IGFL4: variants seen among roughly 807,000 people sequenced by gnomAD.
IGFL4 encodes the protein IGF like family member 4.
Under a neutral mutation model 15.4 loss-of-function variants are expected in IGFL4, and 12 were observed. That is an observed-to-expected ratio of 0.78 (90% CI 0.50 to 1.26). IGFL4 has a LOEUF of 1.26. Among genes scored for constraint, IGFL4 ranks in the 50% most tolerant of loss-of-function variants. The probability of loss-of-function intolerance (pLI) is 0.00; values close to 1 mark genes in which losing one functional copy is unlikely to be tolerated. For missense variants in IGFL4, 126 were observed against 147.8 expected, an observed-to-expected ratio of 0.85 and a Z score of 0.76; for synonymous variants, 54 against 55.9, an observed-to-expected ratio of 0.97 and a Z score of 0.16.
upstream of IGFL4, among the ~76,000 whole-genome samples, chr19:46,042,842 C>A (rs1428591412): frequency 6.6e-6 from 1 of 152,216 alleles, no homozygotes; most frequent in East Asian, 1.9e-4. Flanking sequence ...CAGTGAGAAG[C>A]TGTGTCATGG....
chr19:46,051,778 A>G (rs1385824481), intron 2 of IGFL4, among the ~76,000 whole-genome samples: 1 of 152,162 alleles, frequency 6.6e-6, no homozygotes, highest in Non-Finnish European at 1.5e-5. Flanking sequence ...ACTTAAGGTA[A>G]ATGGGTGGAA....
upstream of IGFL4, among the ~76,000 whole-genome samples, chr19:46,041,589 CT>C (rs763783373): frequency 4.4e-3 from 619 of 140,976 alleles, no homozygotes; most frequent in Non-Finnish European, 3.8e-3. Flanking sequence ...AAAGCAGCAC[CT>C]TTTTTTTTTT....
At chr19:46,041,139 AG>A (rs991294448), upstream of IGFL4, 10 of 604,438 alleles carry the variant, frequency 1.7e-5, no homozygotes, top group African/African-American at 1.1e-4. Context: ...ATTCATCAAA[AG>A]CTTAATGAGA....
At chr19:46,053,237 C>T (rs1231645901) in intron 2 of IGFL4, among the ~76,000 whole-genome samples, 1 of 152,128 alleles carries the variant, frequency 6.6e-6, no homozygotes, top group African/African-American at 2.4e-5. Flanking sequence ...TTGTTTGAGA[C>T]GTTGTCTCAC....
intron 1 of IGFL4, among the ~76,000 whole-genome samples, chr19:46,074,532 G>C (rs1969577337): frequency 1.3e-5 from 2 of 152,064 alleles, no homozygotes; most frequent in Admixed American, 1.3e-4. Context: ...GAGCAAGGAA[G>C]CCAGTCCGAG....
intron 1 of IGFL4, among the ~76,000 whole-genome samples, chr19:46,076,834 C>T (rs1390158031): frequency 3.9e-5 from 6 of 152,136 alleles, no homozygotes; most frequent in Non-Finnish European, 7.3e-5. Context: ...CTGCCCGGCA[C>T]TTCTACCTAT....
Position 46,066,780 on chromosome 19 carries a change from C to A in IGFL4, c.-431-6487G>T, listed in dbSNP as rs369636083. ...GCTATGAGGGATCTTCCCCATGACC[C>A]AAACACCTCCTGCCAGGCCCCACCT... On this transcript the variant is annotated intron_variant, in intron 1 of 5. Transcript: ENST00000601672. Among the ~76,000 whole-genome samples, 5 of 152,218 alleles carry A rather than the reference C, an allele frequency of 3.3e-5. No individual in the cohort carries two copies. The East Asian group carries it at 9.6e-4, about 29-fold the overall frequency.
intron 2 of IGFL4, among the ~76,000 whole-genome samples, chr19:46,054,410 G>T (rs957765444): frequency 6.6e-6 from 1 of 152,060 alleles, no homozygotes; most frequent in Non-Finnish European, 1.5e-5. Flanking sequence ...AAATCAGTTG[G>T]CTATAGATAC....
At chr19:46,067,943 A>G (rs1969510345) in intron 1 of IGFL4, among the ~76,000 whole-genome samples, 1 of 152,182 alleles carries the variant, frequency 6.6e-6, no homozygotes, top group South Asian at 2.1e-4. Flanking sequence ...ATGATGACAA[A>G]CATTCTTTGG....
chr19:46,043,902 ATAGAT>A (rs1969272314), upstream of IGFL4, among the ~76,000 whole-genome samples: 1 of 152,232 alleles, frequency 6.6e-6, no homozygotes, highest in African/African-American at 2.4e-5. Flanking sequence ...TAAAAAATGG[ATAGAT>A]CAGGAAGCGG....
At chr19:46,071,704 G>A (rs1201582266) in intron 1 of IGFL4, among the ~76,000 whole-genome samples, 4 of 152,174 alleles carry the variant, frequency 2.6e-5, no homozygotes, top group South Asian at 2.1e-4. Context: ...AGCCAACAAA[G>A]ACCTTTCTAA....
upstream of IGFL4, among the ~76,000 whole-genome samples, chr19:46,041,493 C>T (rs185164500): frequency 4.1e-4 from 62 of 152,176 alleles, no homozygotes; most frequent in African/African-American, 1.4e-3. Context: ...TCTAGAAGAA[C>T]AGCAGGGGCT....
chr19:46,049,656 G>T (rs1969327329), intron 2 of IGFL4, among the ~76,000 whole-genome samples: 1 of 152,118 alleles, frequency 6.6e-6, no homozygotes, highest in Non-Finnish European at 1.5e-5. Flanking sequence ...CATGCCTAAT[G>T]CTGCCCCCAC....
intron 2 of IGFL4, among the ~76,000 whole-genome samples, chr19:46,057,210 T>C (rs558488500): frequency 3.9e-5 from 6 of 152,274 alleles, no homozygotes; most frequent in South Asian, 2.1e-4. Context: ...TCTTCTACTA[T>C]TTTCTTATGT....
chr19:46,074,266 G>A (rs1285083003), intron 1 of IGFL4, among the ~76,000 whole-genome samples: 1 of 150,716 alleles, frequency 6.6e-6, no homozygotes, highest in East Asian at 2.0e-4. Context: ...GGGACAGAAC[G>A]AGCAGGAGAT....
rs1395769469 is a variant in IGFL4 at position 46,039,576 on chromosome 19, G to T, written c.*316C>A. ...ATCCTCTTTTATTTCCTTGAGCAGT[G>T]GTTTGTAGTTCTCCTTGAAGAGGTC... On this transcript the variant is annotated 3_prime_UTR_variant, in exon 4 of 4. Coordinates refer to ENST00000377697, the MANE Select transcript of IGFL4 (RefSeq NM_001002923.3). 8.4e-5 allele frequency among the ~76,000 whole-genome samples: 12 copies of T among 143,274 alleles called. No individual in the cohort carries two copies. Among genetic ancestry groups the T allele is most frequent in the African/African-American group, 2.1e-4 (8 of 37,902 alleles). The allele number at this position is 143,274 out of a possible 152,430, so 94.0% of individuals were successfully genotyped here.
rs556886878 is a variant in IGFL4 at position 46,060,361 on chromosome 19, T to C, written c.-431-68A>G. On this transcript the variant is annotated intron_variant, in intron 1 of 5. Coordinates refer to the IGFL4 transcript ENST00000601672. ...GCCGAAAAAGATCACCTCAGTCCTC[T>C]ATTAGTTCAGTCCATACAGATAACT... is the stretch of plus-strand genomic sequence containing the variant. 4.5e-4 allele frequency: 68 copies of C among 152,334 alleles called. 1 individual carries two copies. Among genetic ancestry groups the C allele is most frequent in the African/African-American group, 1.6e-3 (67 of 41,572 alleles). 9.4% of individuals were successfully genotyped at this position (152,334 alleles called of 1,614,324 possible). A position where few individuals can be genotyped will look rare whatever the true frequency, so the allele number is the denominator to read the frequency against.
intron 2 of IGFL4, among the ~76,000 whole-genome samples, chr19:46,057,062 A>G (rs992811153): frequency 6.6e-6 from 1 of 152,116 alleles, no homozygotes; most frequent in Non-Finnish European, 1.5e-5. Flanking sequence ...GATACAAATG[A>G]CCAAAAGTAC....
intron 2 of IGFL4, among the ~76,000 whole-genome samples, chr19:46,052,034 G>C (rs959482072): frequency 1.3e-5 from 2 of 152,172 alleles, no homozygotes; most frequent in African/African-American, 4.8e-5. Flanking sequence ...CACAGTAATA[G>C]TGCAGGACTT....
Sources: gnomAD v4.1 joint callset for allele counts (sites outside exome capture counted in the v4.1 genomes callset) on GRCh38, gnomAD v4.1.1 for gene constraint, MANE v1.5 for transcripts, NCBI Gene and HGNC (gene_info 2026-07-23, HGNC 2026-07-21) for gene names.